SOS1: variants seen among roughly 807,000 people sequenced by gnomAD.
SOS1 encodes the protein son of sevenless homolog 1.
Under a neutral mutation model 157.6 loss-of-function variants are expected in SOS1, and 25 were observed. The observed-to-expected ratio is 0.16, with a 90% CI of 0.12 to 0.22. The LOEUF (loss-of-function observed/expected upper bound fraction) is 0.22. Ranked by LOEUF, SOS1 falls within the 10% of genes least tolerant of loss-of-function variation. The probability of loss-of-function intolerance (pLI) is 1.00; values close to 1 mark genes in which losing one functional copy is unlikely to be tolerated. For missense variants in SOS1, 1,237 were observed against 1,599.1 expected, an observed-to-expected ratio of 0.77 and a Z score of 3.86; for synonymous variants, 528 against 534.0, an observed-to-expected ratio of 0.99 and a Z score of 0.16.
chr2:39,037,611 A>T (rs1431428452), intron 6 of SOS1, among the ~76,000 whole-genome samples: 1 of 70,152 alleles, frequency 1.4e-5, no homozygotes, highest in Non-Finnish European at 2.9e-5. Flanking sequence ...CTTTGCATAT[A>T]TTGCCTTTTT....
chr2:39,047,611 A>G (rs545227704), intron 6 of SOS1, among the ~76,000 whole-genome samples: 1 of 152,290 alleles, frequency 6.6e-6, no homozygotes, highest in South Asian at 2.1e-4. Context: ...AAAACAAAAC[A>G]AAACAAAAAA....
At chr2:39,037,027 A>C (rs1037951478) in intron 6 of SOS1, among the ~76,000 whole-genome samples, 25 of 152,214 alleles carry the variant, frequency 1.6e-4, no homozygotes, top group African/African-American at 5.8e-4. Context: ...AGAAATCAGA[A>C]GACGTGAGTT....
At chr2:39,079,093 G>A (rs141689857) in intron 1 of SOS1, among the ~76,000 whole-genome samples, 503 of 3,206 alleles carry the variant, frequency 0.16, 6 homozygotes, top group African/African-American at 0.41. Context: ...AAAAAGTTGA[G>A]GACTGCTACA....
At chr2:39,103,747 G>GCACA (rs1379186231) in intron 1 of SOS1, among the ~76,000 whole-genome samples, 2 of 152,180 alleles carry the variant, frequency 1.3e-5, no homozygotes, top group Non-Finnish European at 2.9e-5. Flanking sequence ...GAATTCTTAA[G>GCACA]ATCTGACACA....
intron 6 of SOS1, among the ~76,000 whole-genome samples, chr2:39,036,694 C>T (rs755086118): frequency 5.9e-5 from 9 of 152,202 alleles, no homozygotes; most frequent in Non-Finnish European, 1.0e-4. Context: ...CTGCCTCAGC[C>T]TCCCGAGTAG....
intron 6 of SOS1, among the ~76,000 whole-genome samples, chr2:39,049,319 T>C (rs1303588250): frequency 6.6e-6 from 1 of 152,132 alleles, no homozygotes; most frequent in Non-Finnish European, 1.5e-5. Flanking sequence ...ACTAATTTTA[T>C]CCTTGAACTG....
At chr2:39,122,836 G>A (rs992196657), upstream of SOS1, among the ~76,000 whole-genome samples, 3 of 151,924 alleles carry the variant, frequency 2.0e-5, no homozygotes, top group Non-Finnish European at 2.9e-5. Context: ...GAGCCACCGC[G>A]CCCGGTCAGC....
chr2:39,110,795 A>C (rs1166652445), intron 1 of SOS1, among the ~76,000 whole-genome samples: 1 of 152,142 alleles, frequency 6.6e-6, no homozygotes, highest in East Asian at 1.9e-4. Context: ...CATATATTTG[A>C]CTCCATCAGT....
At chr2:39,113,949 C>T (rs763918836) in intron 1 of SOS1, among the ~76,000 whole-genome samples, 4 of 152,294 alleles carry the variant, frequency 2.6e-5, no homozygotes, top group Admixed American at 2.0e-4. Flanking sequence ...CTTACTTTTC[C>T]CATGTTCTTC....
intron 1 of SOS1, among the ~76,000 whole-genome samples, chr2:39,110,115 C>A (rs1673368399): frequency 6.8e-6 from 1 of 146,620 alleles, no homozygotes; most frequent in African/African-American, 2.5e-5. Context: ...CCTCGGTATC[C>A]ATGGGGGATT....
chr2:39,004,556 T>A (rs1669224377), intron 17 of SOS1, among the ~76,000 whole-genome samples: 1 of 151,802 alleles, frequency 6.6e-6, no homozygotes, highest in African/African-American at 2.4e-5. Flanking sequence ...CAGTTTGATA[T>A]TAGAGTTAAA....
chr2:39,058,609 T>C (rs1671295474), intron 3 of SOS1, 64 bp downstream of exon 3: 11 of 1,517,692 alleles, frequency 7.2e-6, no homozygotes, highest in Admixed American at 1.7e-5. Context: ...TATATTCTTA[T>C]TGTATAAAAA....
At chr2:39,068,621 G>GT (rs1671674137) in intron 1 of SOS1, among the ~76,000 whole-genome samples, 1 of 151,886 alleles carries the variant, frequency 6.6e-6, no homozygotes, top group Admixed American at 6.6e-5. Flanking sequence ...CACAAAATTT[G>GT]TAACTGTCTA....
chr2:39,022,760 T>G lies in SOS1; in HGVS notation c.1668A>C (p.Val556=), dbSNP rs376314461. The change falls in exon 10 of 23, where the codon GTA becomes GTC. Residue 556 remains valine, a synonymous_variant. Coordinates refer to ENST00000402219, the MANE Select transcript of SOS1 (RefSeq NM_005633.4). ...CCTCTTTCTCTTCCTGTAGCATTGTTACATCAAGCATCCTTTCCAGTGTAC... is the reference window on the plus strand; with the variant it reads ...CCTCTTTCTCTTCCTGTAGCATTGTGACATCAAGCATCCTTTCCAGTGTAC... ...YRSTLERMLD[V]TMLQEEKEEQ... 29 of 1,613,808 alleles carry G rather than the reference T, an allele frequency of 1.8e-5. No homozygotes were observed. The African/African-American group carries it at 3.6e-4, about 20-fold the overall frequency.
At chr2:39,000,761 T>C (rs968339542) in intron 17 of SOS1, among the ~76,000 whole-genome samples, 6 of 152,226 alleles carry the variant, frequency 3.9e-5, no homozygotes, top group African/African-American at 1.4e-4. Flanking sequence ...CTGTATCTTA[T>C]CTGTCTATTC....
intron 18 of SOS1, 100 bp downstream of exon 18, chr2:38,997,153 G>T: frequency 9.1e-7 from 1 of 1,103,992 alleles, no homozygotes; most frequent in Non-Finnish European, 1.3e-6. Flanking sequence ...TTTCTTTTAA[G>T]GTTTATTTTA....
rs1436519446 is a variant in SOS1 at position 38,983,706 on chromosome 2, A to C, written c.*2118T>G. ...GTAATCCATGAGACATAAAAAGAGAAATCTTAGGGACAATGAGGCTGGCCC... is the reference window on the plus strand; with the variant it reads ...GTAATCCATGAGACATAAAAAGAGACATCTTAGGGACAATGAGGCTGGCCC... On this transcript the variant is annotated 3_prime_UTR_variant, in exon 23 of 23. Coordinates refer to ENST00000402219, the MANE Select transcript of SOS1 (RefSeq NM_005633.4). 6.6e-6 allele frequency: 1 copy of C among 152,176 alleles called. No individual in the cohort carries two copies. Among genetic ancestry groups the C allele is most frequent in the South Asian group, 2.1e-4 (1 of 4,834 alleles). 9.4% of individuals were successfully genotyped at this position (152,176 alleles called of 1,614,324 possible). A position where few individuals can be genotyped will look rare whatever the true frequency, so the allele number is the denominator to read the frequency against.
chr2:39,091,239 A>T (rs568247625), intron 1 of SOS1, among the ~76,000 whole-genome samples: 568 of 152,276 alleles, frequency 3.7e-3, no homozygotes, highest in Non-Finnish European at 6.8e-3. Context: ...TCCTTTGTGC[A>T]GTGAGAGTGT....
intron 1 of SOS1, among the ~76,000 whole-genome samples, chr2:39,075,391 A>G: frequency 6.6e-6 from 1 of 152,242 alleles, no homozygotes; most frequent in East Asian, 1.9e-4. Context: ...CTTGTATTAC[A>G]TCTAGGGAAA....
Sources: gnomAD v4.1 joint callset for allele counts (sites outside exome capture counted in the v4.1 genomes callset) on GRCh38, gnomAD v4.1.1 for gene constraint, MANE v1.5 for transcripts, NCBI Gene and HGNC (gene_info 2026-07-23, HGNC 2026-07-21) for gene names.